The following IGFL2 variants were observed in gnomAD, a reference collection of about 807,000 sequenced individuals.
IGFL2 encodes the protein insulin growth factor-like family member 2.
A neutral mutation model predicts 13.9 loss-of-function variants in IGFL2; 7 were observed. That is an observed-to-expected ratio of 0.51 (90% CI 0.29 to 0.95). IGFL2 has a LOEUF of 0.95. IGFL2 is among the 40% of genes least tolerant of loss of function. The pLI is 0.08. For synonymous variants in IGFL2, 55 were observed against 55.8 expected, an observed-to-expected ratio of 0.99 and a Z score of 0.07; for missense variants, 138 against 147.8, an observed-to-expected ratio of 0.93 and a Z score of 0.34.
At chr19:46,185,839 C>A in the IGFL2 span, among the ~76,000 whole-genome samples, 1 of 152,226 alleles carries the variant, frequency 6.6e-6, no homozygotes, top group African/African-American at 2.4e-5. Context: ...CCCCTACACA[C>A]ACCTCGCACC....
In IGFL2 at chr19:46,160,103, CCA is replaced by C. The variant is rs558669438; in HGVS notation, c.20-311_20-310del. On this transcript the variant is annotated intron_variant, in intron 1 of 3. Transcript: ENST00000377693. ...TCCTTCCTTATCACCTTAATCTTAACCATGGTTAATCTTTAACAGCTGCTCCC... is the reference window on the plus strand; with the variant it reads ...TCCTTCCTTATCACCTTAATCTTAACTGGTTAATCTTTAACAGCTGCTCCC... 4.3e-3 allele frequency: 1,706 copies of C among 392,328 alleles called. 11 individuals carry two copies. The highest frequency in any genetic ancestry group is 0.015 in the Middle Eastern group (20 of 1,316). The allele number at this position is 392,328 out of a possible 1,614,324, so 24.3% of individuals were successfully genotyped here.
At chr19:46,146,309 G>A (rs1037698588), upstream of IGFL2, among the ~76,000 whole-genome samples, 5 of 152,044 alleles carry the variant, frequency 3.3e-5, no homozygotes, top group African/African-American at 1.2e-4. Flanking sequence ...TTTGATCTAT[G>A]TGTCTATCCA....
At chr19:46,125,096 A>G in the IGFL2 span, among the ~76,000 whole-genome samples, 7 of 152,156 alleles carry the variant, frequency 4.6e-5, no homozygotes, top group Admixed American at 3.9e-4. Context: ...TGCTTCTTCT[A>G]TATTCCCCAA....
the IGFL2 span, chr19:46,209,419 C>T: frequency 6.6e-6 from 1 of 152,222 alleles, no homozygotes; most frequent in African/African-American, 2.4e-5. Context: ...CTTTTGTCCC[C>T]TTAGCCCTCC....
chr19:46,164,940 A>G (rs867789796), downstream of IGFL2, among the ~76,000 whole-genome samples: 3 of 152,338 alleles, frequency 2.0e-5, no homozygotes, highest in East Asian at 1.9e-4. Flanking sequence ...AAGTTGTTCC[A>G]TCTGTCATTA....
chr19:46,189,298 C>A, the IGFL2 span: 1 of 152,298 alleles, frequency 6.6e-6, no homozygotes, highest in Non-Finnish European at 1.5e-5. Context: ...AGTACTTTCA[C>A]TAATTCTGCT....
the IGFL2 span, among the ~76,000 whole-genome samples, chr19:46,104,216 A>G: frequency 6.6e-6 from 1 of 152,162 alleles, no homozygotes; most frequent in Non-Finnish European, 1.5e-5. Context: ...CATCCATATA[A>G]AAGTTCAAAT....
chr19:46,145,636 A>G (rs62110741), upstream of IGFL2, among the ~76,000 whole-genome samples: 786 of 102,664 alleles, frequency 7.7e-3, 5 homozygotes, highest in Admixed American at 0.013. Flanking sequence ...GTGTGTGTGT[A>G]TTTATTTATT....
At chr19:46,163,595 G>C (rs1292943704), downstream of IGFL2, among the ~76,000 whole-genome samples, 1 of 152,196 alleles carries the variant, frequency 6.6e-6, no homozygotes, top group East Asian at 1.9e-4. Flanking sequence ...TTGTTAGTCT[G>C]AGGGTGGCAA....
the IGFL2 span, among the ~76,000 whole-genome samples, chr19:46,090,221 T>G: frequency 6.6e-6 from 1 of 152,234 alleles, no homozygotes; most frequent in Admixed American, 6.5e-5. Context: ...ATTTCAGTCT[T>G]TGCTAAATTT....
At chr19:46,091,492 C>T in the IGFL2 span, among the ~76,000 whole-genome samples, 3 of 152,188 alleles carry the variant, frequency 2.0e-5, no homozygotes, top group African/African-American at 7.2e-5. Flanking sequence ...TTAGAAGAGA[C>T]ACTTGTGTTT....
chr19:46,187,937 A>G, the IGFL2 span, among the ~76,000 whole-genome samples: 2,577 of 86,544 alleles, frequency 0.03, 8 homozygotes, highest in Middle Eastern at 0.056. Flanking sequence ...TATACCTGAG[A>G]TCGTGTTGCT....
At chr19:46,085,253 A>G in the IGFL2 span, among the ~76,000 whole-genome samples, 5 of 152,272 alleles carry the variant, frequency 3.3e-5, no homozygotes, top group African/African-American at 1.2e-4. Context: ...AAAAACACCA[A>G]AAGAAAACAA....
chr19:46,100,588 G>A, the IGFL2 span, among the ~76,000 whole-genome samples: 3 of 152,190 alleles, frequency 2.0e-5, no homozygotes, highest in African/African-American at 7.2e-5. Flanking sequence ...GTGTCTGTGG[G>A]CCAGGATGAC....
chr19:46,210,601 A>G, the IGFL2 span, among the ~76,000 whole-genome samples: 1 of 152,174 alleles, frequency 6.6e-6, no homozygotes, highest in Non-Finnish European at 1.5e-5. Flanking sequence ...GAGGGAAGGA[A>G]GCATCCAGCA....
At chr19:46,126,047 T>C in the IGFL2 span, among the ~76,000 whole-genome samples, 1 of 152,178 alleles carries the variant, frequency 6.6e-6, no homozygotes, top group Admixed American at 6.5e-5. Flanking sequence ...GAAATCCTTA[T>C]GTTGTATCTC....
At chr19:46,104,047 TATC>T in the IGFL2 span, among the ~76,000 whole-genome samples, 1 of 152,102 alleles carries the variant, frequency 6.6e-6, no homozygotes, top group Non-Finnish European at 1.5e-5. Flanking sequence ...AACAAGAACT[TATC>T]ATCCAGCTAG....
At chr19:46,148,727 A>T in intron 1 of IGFL2, 1 of 703,168 alleles carries the variant, frequency 1.4e-6, no homozygotes, top group Non-Finnish European at 2.3e-6. Context: ...GGGTGTGGTG[A>T]GTGGAGGGAG....
chr19:46,126,899 T>C, the IGFL2 span, among the ~76,000 whole-genome samples: 3 of 152,172 alleles, frequency 2.0e-5, no homozygotes, highest in Non-Finnish European at 4.4e-5. Context: ...GATGATACGA[T>C]GCATCACTAG....
Sources: gnomAD v4.1 joint callset for allele counts (sites outside exome capture counted in the v4.1 genomes callset) on GRCh38, gnomAD v4.1.1 for gene constraint, MANE v1.5 for transcripts, NCBI Gene and HGNC (gene_info 2026-07-23, HGNC 2026-07-21) for gene names.